Variants in SMARCAL1 observed in about 807,000 individuals in gnomAD.
SMARCAL1 encodes the protein ATP-driven annealing helicase.
A neutral mutation model predicts 94.5 loss-of-function variants in SMARCAL1; 58 were observed. The observed-to-expected ratio is 0.61, with a 90% CI of 0.50 to 0.76. The LOEUF (loss-of-function observed/expected upper bound fraction) is 0.76. SMARCAL1 is among the 30% of genes least tolerant of loss of function. The probability of loss-of-function intolerance (pLI) is 0.00; values close to 1 mark genes in which losing one functional copy is unlikely to be tolerated. For missense variants in SMARCAL1, 1,051 were observed against 1,177.9 expected (o/e 0.89, Z 1.58); for synonymous variants, 422 against 455.1 (o/e 0.93, Z 0.93).
At chr2:216,458,793 C>A (rs1210571228) in intron 12 of SMARCAL1, among the ~76,000 whole-genome samples, 2 of 152,214 alleles carry the variant, frequency 1.3e-5, no homozygotes, top group African/African-American at 2.4e-5. Flanking sequence ...TGCCCTCTCT[C>A]ACCACTCCTA....
intron 8 of SMARCAL1, among the ~76,000 whole-genome samples, chr2:216,433,640 T>G (rs1694012799): frequency 6.6e-6 from 1 of 152,126 alleles, no homozygotes; most frequent in Admixed American, 6.6e-5. Flanking sequence ...GCTTTATGGA[T>G]CCAGAGCCTG....
intron 16 of SMARCAL1, among the ~76,000 whole-genome samples, 193 bp downstream of exon 16, chr2:216,477,402 GC>G (rs1695108836): frequency 6.6e-6 from 1 of 152,198 alleles, no homozygotes; most frequent in Non-Finnish European, 1.5e-5. Context: ...TTCACTGGTG[GC>G]TTGCAGGGTG....
chr2:216,431,534 C>T (rs1262029644), intron 7 of SMARCAL1, among the ~76,000 whole-genome samples: 1 of 152,200 alleles, frequency 6.6e-6, no homozygotes, highest in Non-Finnish European at 1.5e-5. Flanking sequence ...ATGATAGAAG[C>T]ACTTCCTTAG....
intron 4 of SMARCAL1, among the ~76,000 whole-genome samples, chr2:216,418,775 TTTTAA>T (rs1387961210): frequency 6.6e-6 from 1 of 152,238 alleles, no homozygotes; most frequent in Non-Finnish European, 1.5e-5. Context: ...TATTTTGCCC[TTTTAA>T]TTTAATACTC....
Position 216,431,572 on chromosome 2 carries a change from T to G in SMARCAL1, c.1335-1146T>G, listed in dbSNP as rs1486412179. On this transcript the variant is annotated intron_variant, in intron 7 of 17. Coordinates refer to ENST00000357276, the MANE Select transcript of SMARCAL1 (RefSeq NM_014140.4). ...CTTATGATGTTGCCAACCACTGTTT[T>G]CAGTATTAGCTTTATTAACCCTCCC... 2.0e-5 allele frequency among the ~76,000 whole-genome samples: 3 copies of G among 152,212 alleles called. No homozygotes were observed. The East Asian group carries it at 5.8e-4, about 29-fold the overall frequency.
chr2:216,458,815 G>C (rs1211813508), intron 12 of SMARCAL1, among the ~76,000 whole-genome samples: 1 of 152,154 alleles, frequency 6.6e-6, no homozygotes, highest in Non-Finnish European at 1.5e-5. Flanking sequence ...TCAGCATAGT[G>C]TTGGAAGTTC....
In SMARCAL1 at chr2:216,435,359, T is replaced by G; in HGVS notation, c.1507T>G (p.Ser503Ala). 6.2e-7 allele frequency: 1 copy of G among 1,614,062 alleles called. No individual in the cohort carries two copies. The change falls in exon 9 of 18, where the codon TCT (serine) becomes GCT (alanine). Residue 503 changes from serine (S) to alanine (A), a missense_variant. By Grantham distance (99) the Ser-to-Ala change is moderately conservative. Coordinates refer to ENST00000357276, the MANE Select transcript of SMARCAL1 (RefSeq NM_014140.4). ...WEQAFLRWLP[S>A]LSPDCINVVV... Reference sequence around the variant, plus strand: ...ACAGGCCTTCCTTCGGTGGCTGCCATCTCTGAGCCCAGATTGCATCAACGT... The same window carrying G: ...ACAGGCCTTCCTTCGGTGGCTGCCAGCTCTGAGCCCAGATTGCATCAACGT...
At chr2:216,450,220 C>T (rs900302030) in intron 11 of SMARCAL1, among the ~76,000 whole-genome samples, 3 of 152,328 alleles carry the variant, frequency 2.0e-5, no homozygotes, top group South Asian at 2.1e-4. Flanking sequence ...AGCTCCTCAA[C>T]GAGGGAGCCA....
chr2:216,468,508 G>A (rs1574479584), intron 14 of SMARCAL1, among the ~76,000 whole-genome samples: 2 of 152,270 alleles, frequency 1.3e-5, no homozygotes, highest in Non-Finnish European at 2.9e-5. Flanking sequence ...GAAATTGAAC[G>A]AAAGGGATCT....
intron 12 of SMARCAL1, among the ~76,000 whole-genome samples, chr2:216,453,929 CTT>C (rs1415935106): frequency 6.6e-6 from 1 of 152,194 alleles, no homozygotes; most frequent in African/African-American, 2.4e-5. Context: ...TAATCAAAGA[CTT>C]TTCTCATTTT....
rs1342107868 is a variant in SMARCAL1, at chr2:216,446,683, T to C, written c.1711-335T>C. 4.5e-5 allele frequency: 22 copies of C among 489,346 alleles called. No individual in the cohort carries two copies. In the East Asian group the frequency reaches 1.3e-3, roughly 29 times the overall value. 30.3% of individuals were successfully genotyped at this position (489,346 alleles called of 1,614,324 possible). ...GCAGCATACGGTGAACATTTATTGGTTACTTGGCGTCAGGCATATGCTACA... is the reference window on the plus strand; with the variant it reads ...GCAGCATACGGTGAACATTTATTGGCTACTTGGCGTCAGGCATATGCTACA... On this transcript the variant is annotated intron_variant, in intron 10 of 17. Coordinates refer to ENST00000357276, the MANE Select transcript of SMARCAL1 (RefSeq NM_014140.4).
intron 14 of SMARCAL1, among the ~76,000 whole-genome samples, chr2:216,470,310 C>T (rs1038636392): frequency 6.6e-6 from 1 of 151,898 alleles, no homozygotes; most frequent in African/African-American, 2.4e-5. Flanking sequence ...ACCACCACGC[C>T]CAGCTAATTT....
chr2:216,446,912 C>G, intron 10 of SMARCAL1, 106 bp from the exon 11 acceptor site: 1 of 1,322,278 alleles, frequency 7.6e-7, no homozygotes, highest in South Asian at 1.2e-5. Context: ...GACACGCACG[C>G]GGTCTTTTTC....
chr2:216,451,071 C>T lies in SMARCAL1; in HGVS notation c.2070+7C>T, dbSNP rs1321669536. 1 of 1,610,556 alleles carries T rather than the reference C, an allele frequency of 6.2e-7. No homozygotes were observed. The highest frequency in any genetic ancestry group is 8.5e-7 in the Non-Finnish European group (1 of 1,176,860). ...GACCACCAAGGACAAAACTGTGAGT[C>T]CAGGGCTGGAGACAGATTTGGAAGC... On this transcript the variant is annotated splice_region_variant and intron_variant, in intron 12 of 17. Transcript: ENST00000357276.
chr2:216,430,255 G>C (rs1439252941), intron 7 of SMARCAL1, among the ~76,000 whole-genome samples: 1 of 152,084 alleles, frequency 6.6e-6, no homozygotes, highest in African/African-American at 2.4e-5. Flanking sequence ...GTGGGGGTTT[G>C]GCATTGGGGG....
chr2:216,417,318 G>A (rs898111248), intron 4 of SMARCAL1, among the ~76,000 whole-genome samples: 11 of 152,198 alleles, frequency 7.2e-5, no homozygotes, highest in Non-Finnish European at 1.6e-4. Context: ...GAGGGCTGCC[G>A]TGACAAAGTA....
intron 13 of SMARCAL1, 143 bp from the exon 14 acceptor site, chr2:216,467,801 A>G (rs1178725570): frequency 1.3e-5 from 9 of 669,848 alleles, no homozygotes; most frequent in Non-Finnish European, 2.2e-5. Flanking sequence ...AAAACACATT[A>G]TAATGATAGT....
At position 216,439,325 on chromosome 2, in the gene SMARCAL1, G is replaced by C. The variant is rs560160924; in HGVS notation, c.1710+840G>C. 3.4e-4 allele frequency among the ~76,000 whole-genome samples: 4 copies of C among 11,808 alleles called. No homozygotes were observed. The African/African-American group carries it at 4.7e-3, about 14-fold the overall frequency. 7.7% of individuals were successfully genotyped at this position (11,808 alleles called of 152,430 possible). A position where few individuals can be genotyped will look rare whatever the true frequency, so the allele number is the denominator to read the frequency against. The stretch of plus-strand genomic sequence containing the variant: ...AGTCCTCCAAATTTCCTTCCATTAT[G>C]GGGGGGGGGGATGATTTTTTTCCTA... On this transcript the variant is annotated intron_variant, in intron 10 of 17. Transcript: ENST00000357276.
In SMARCAL1 at chr2:216,420,251, C is replaced by T. The variant is rs576250459; in HGVS notation, c.863-48C>T. Reference sequence around the variant, plus strand: ...CCTTGCCTGTATTTCAAAGCCACATCATAGTCCCCTGCTTTATCACTTCTG... The same window carrying T: ...CCTTGCCTGTATTTCAAAGCCACATTATAGTCCCCTGCTTTATCACTTCTG... On this transcript the variant is annotated intron_variant, in intron 4 of 17. Coordinates refer to ENST00000357276, the MANE Select transcript of SMARCAL1 (RefSeq NM_014140.4). 12 of 1,482,572 alleles carry T rather than the reference C, an allele frequency of 8.1e-6. No individual in the cohort carries two copies. In the South Asian group the frequency reaches 1.4e-4, roughly 17 times the overall value. The allele number at this position is 1,482,572 out of a possible 1,614,324, so 91.8% of individuals were successfully genotyped here.
Sources: allele counts gnomAD v4.1 joint callset (sites outside exome capture counted in the v4.1 genomes callset), GRCh38; gene constraint gnomAD v4.1.1; transcripts MANE v1.5; gene names NCBI Gene and HGNC (gene_info 2026-07-23, HGNC 2026-07-21).